Variants in UQCC5 observed in about 807,000 individuals in gnomAD.
UQCC5 encodes UPF0640 protein C3orf78.
the UQCC5 span, among the ~76,000 whole-genome samples, chr3:52,538,483 C>G: frequency 6.6e-6 from 1 of 152,172 alleles, no homozygotes; most frequent in Non-Finnish European, 1.5e-5. Context: ...TTTTTTGAGA[C>G]TGAGTTTCGC....
chr3:52,536,919 G>T, the UQCC5 span: 6 of 1,551,410 alleles, frequency 3.9e-6, no homozygotes, highest in Admixed American at 2.0e-5. Flanking sequence ...AAGTGAGGGG[G>T]TAGCAGTCTC....
the UQCC5 span, among the ~76,000 whole-genome samples, chr3:52,540,181 A>G: frequency 6.6e-5 from 10 of 152,322 alleles, no homozygotes; most frequent in East Asian, 9.6e-4. Context: ...ACACTAAGAG[A>G]TGTGCTAAGA....
chr3:52,540,549 A>AAAT, the UQCC5 span: 1 of 1,175,694 alleles, frequency 8.5e-7, no homozygotes, highest in East Asian at 2.7e-5. Flanking sequence ...GTGCCTTTTA[A>AAAT]AATATACTTT....
chr3:52,540,972 A>G, the UQCC5 span: 1 of 152,722 alleles, frequency 6.5e-6, no homozygotes, highest in Non-Finnish European at 1.5e-5. Context: ...GGGTGGTGGA[A>G]ATTCTTGATT....
At chr3:52,538,803 G>A in the UQCC5 span, among the ~76,000 whole-genome samples, 1 of 146,056 alleles carries the variant, frequency 6.8e-6, no homozygotes, top group East Asian at 2.1e-4. Flanking sequence ...GGCCAGAAAG[G>A]CAAGGAGGGA....
chr3:52,536,637 G>C, the UQCC5 span: 28 of 1,481,408 alleles, frequency 1.9e-5, no homozygotes, highest in East Asian at 4.5e-4. Flanking sequence ...GGCGGAGGAC[G>C]GCGCTCGCTA....
At chr3:52,539,741 C>T in the UQCC5 span, among the ~76,000 whole-genome samples, 1 of 151,322 alleles carries the variant, frequency 6.6e-6, no homozygotes, top group African/African-American at 2.4e-5. Flanking sequence ...TGGGTTCAAG[C>T]GACTCTCCTG....
At chr3:52,538,949 G>A in the UQCC5 span, among the ~76,000 whole-genome samples, 2 of 152,166 alleles carry the variant, frequency 1.3e-5, no homozygotes, top group Admixed American at 6.5e-5. Context: ...GTGGAGAGAG[G>A]CTGGAGATAC....
At chr3:52,536,897 G>C in the UQCC5 span, 1 of 1,551,658 alleles carries the variant, frequency 6.4e-7, no homozygotes, top group South Asian at 1.2e-5. Context: ...CGTGGGCCAG[G>C]AGACCTTCTG....
the UQCC5 span, chr3:52,540,366 A>C: frequency 7.9e-7 from 1 of 1,266,764 alleles, no homozygotes; most frequent in Non-Finnish European, 1.1e-6. Context: ...AATTATTCAG[A>C]TTGTTTTAAT....
chr3:52,538,378 G>C, the UQCC5 span, among the ~76,000 whole-genome samples: 1 of 152,246 alleles, frequency 6.6e-6, no homozygotes, highest in African/African-American at 2.4e-5. Flanking sequence ...CTGAAGCTCA[G>C]GAGGCAAATC....
At chr3:52,536,807 C>G in the UQCC5 span, 1 of 1,551,814 alleles carries the variant, frequency 6.4e-7, no homozygotes, top group Non-Finnish European at 8.7e-7. Flanking sequence ...GCCCGGGAAG[C>G]AGCGATTTGG....
chr3:52,536,980 G>A, the UQCC5 span: 2 of 1,522,990 alleles, frequency 1.3e-6, no homozygotes, highest in African/African-American at 2.8e-5. Flanking sequence ...TTTCTGGGGA[G>A]TATTCTCAGA....
chr3:52,540,457 A>G, the UQCC5 span: 1 of 1,532,394 alleles, frequency 6.5e-7, no homozygotes, highest in Non-Finnish European at 8.8e-7. Flanking sequence ...TCAGAAAGAC[A>G]GTATCAGAGA....
the UQCC5 span, chr3:52,536,869 G>A: frequency 1.9e-6 from 3 of 1,551,690 alleles, no homozygotes; most frequent in Non-Finnish European, 2.6e-6. Context: ...CGATGGAGTG[G>A]ATCATGATTA....
the UQCC5 span, chr3:52,536,671 C>A: frequency 3.9e-6 from 6 of 1,519,324 alleles, no homozygotes; most frequent in South Asian, 6.3e-5. Context: ...CGGTACACGG[C>A]GAGAACGGGC....
chr3:52,540,314 G>A, the UQCC5 span: 1 of 769,508 alleles, frequency 1.3e-6, no homozygotes, highest in Non-Finnish European at 2.0e-6. Context: ...AAATATTAAT[G>A]CCAAGATTCA....
the UQCC5 span, chr3:52,537,041 G>T: frequency 1.6e-6 from 2 of 1,252,770 alleles, no homozygotes; most frequent in Non-Finnish European, 2.2e-6. Context: ...AGTTCCATTC[G>T]CTTGGCAGTC....
At chr3:52,538,297 G>T in the UQCC5 span, among the ~76,000 whole-genome samples, 2 of 152,196 alleles carry the variant, frequency 1.3e-5, no homozygotes, top group Non-Finnish European at 2.9e-5. Flanking sequence ...ATTTCCTGAA[G>T]GTGCCGAACA....
Sources: gnomAD v4.1 joint callset for allele counts (sites outside exome capture counted in the v4.1 genomes callset) on GRCh38, gnomAD v4.1.1 for gene constraint, MANE v1.5 for transcripts, NCBI Gene and HGNC (gene_info 2026-07-23, HGNC 2026-07-21) for gene names.